Variants in BIRC6 observed in about 807,000 individuals in gnomAD.
BIRC6 encodes the protein baculoviral IAP repeat containing 6.
Under a neutral mutation model 503.3 loss-of-function variants are expected in BIRC6, and 98 were observed. That is an observed-to-expected ratio of 0.19 (90% CI 0.17 to 0.23). The LOEUF (loss-of-function observed/expected upper bound fraction) is 0.23. Among genes scored for constraint, BIRC6 ranks in the 10% least tolerant of loss-of-function variants. The probability of loss-of-function intolerance (pLI) is 1.00; values close to 1 mark genes in which losing one functional copy is unlikely to be tolerated. For synonymous variants in BIRC6, 2,240 were observed against 2,078.7 expected, an observed-to-expected ratio of 1.08 and a Z score of -2.11; for missense variants, 5,360 against 5,806.0, an observed-to-expected ratio of 0.92 and a Z score of 2.50.
At chr2:32,446,177 T>A (rs961789173) in intron 21 of BIRC6, among the ~76,000 whole-genome samples, 1 of 152,226 alleles carries the variant, frequency 6.6e-6, no homozygotes, top group Non-Finnish European at 1.5e-5. Context: ...TTTAACAGTT[T>A]GATAAATCCT....
At position 32,508,208 on chromosome 2, in the gene BIRC6, C is replaced by T. The variant is rs1398506523; in HGVS notation, c.9929C>T (p.Ala3310Val). The change falls in exon 51 of 74, where the codon GCA becomes GTA. Residue 3310 changes from alanine (A) to valine (V), a missense_variant. Ala to Val is a moderately conservative substitution (Grantham distance 64). This residue lies in a region of BIRC6 where 62 missense variants were observed against 107.4 expected (regional missense o/e 0.58). Transcript: ENST00000421745. ...GLTAFGTTSS[A>V]TVNNPFLPSE... ...ACTGCTTTTGGTACCACCTCTTCTG[C>T]AACAGTTAATAATCCATTCCTTCCA... is the stretch of plus-strand genomic sequence containing the variant. 6.2e-7 allele frequency: 1 copy of T among 1,604,108 alleles called. No homozygotes were observed.
intron 54 of BIRC6, among the ~76,000 whole-genome samples, chr2:32,513,582 T>G (rs1055247803): frequency 6.6e-6 from 1 of 152,026 alleles, no homozygotes; most frequent in Non-Finnish European, 1.5e-5. Flanking sequence ...AAGACCAGCT[T>G]GGGCAACATG....
chr2:32,557,753 C>T (rs2058881387), intron 65 of BIRC6: 1 of 152,184 alleles, frequency 6.6e-6, no homozygotes, highest in African/African-American at 2.4e-5. Flanking sequence ...AGGTTAAGTA[C>T]TGTTCCAGCT....
In BIRC6 at chr2:32,369,984, ATGTATG is replaced by A. The variant is rs1296890698; in HGVS notation, c.326-7602_326-7597del. ...TATATATATATATATATATATATAT[ATGTATG>A]TATGTATGTGTGTGTATATATATGC... is the stretch of plus-strand genomic sequence containing the variant. On this transcript the variant is annotated intron_variant, in intron 1 of 73. Transcript: ENST00000421745. Among the ~76,000 whole-genome samples, 127 of 41,036 alleles carry A rather than the reference ATGTATG, an allele frequency of 3.1e-3. No homozygotes were observed. The Middle Eastern group carries it at 0.054, about 17-fold the overall frequency. The allele number at this position is 41,036 out of a possible 152,430, so 26.9% of individuals were successfully genotyped here.
At position 32,460,202 on chromosome 2, in the gene BIRC6, C is replaced by A. The variant is rs1299272090; in HGVS notation, c.4754-2992C>A. ...TATATATCTCATATGTGATATATAT[C>A]ATATATGATATATATATATCTCATA... is the stretch of plus-strand genomic sequence containing the variant. On this transcript the variant is annotated intron_variant, in intron 23 of 73. Transcript: ENST00000421745. Among the ~76,000 whole-genome samples the A allele has an allele frequency of 5.1e-5, 5 of 98,152 alleles. No individual in the cohort carries two copies. In the East Asian group the frequency reaches 1.2e-3, roughly 24 times the overall value. 64.4% of individuals were successfully genotyped at this position (98,152 alleles called of 152,430 possible).
At chr2:32,440,406 C>A (rs933373671) in intron 16 of BIRC6, among the ~76,000 whole-genome samples, 1 of 152,172 alleles carries the variant, frequency 6.6e-6, no homozygotes, top group African/African-American at 2.4e-5. Flanking sequence ...AGGTTCTAAT[C>A]CTCATGGTTG....
intron 72 of BIRC6, among the ~76,000 whole-genome samples, chr2:32,609,616 T>C (rs2062715794): frequency 6.6e-6 from 1 of 152,150 alleles, no homozygotes; most frequent in African/African-American, 2.4e-5. Context: ...TGAATATTTC[T>C]TTTTCTTTGG....
At chr2:32,379,922 A>C (rs575825801) in intron 2 of BIRC6, among the ~76,000 whole-genome samples, 2 of 152,110 alleles carry the variant, frequency 1.3e-5, no homozygotes, top group South Asian at 2.1e-4. Flanking sequence ...TTTGTGTTTA[A>C]ACTTTACCAT....
chr2:32,412,181 G>A (rs1231813573), intron 9 of BIRC6, among the ~76,000 whole-genome samples: 2 of 152,054 alleles, frequency 1.3e-5, no homozygotes, highest in Non-Finnish European at 2.9e-5. Context: ...TACTTTTAAG[G>A]GAATAGTTTA....
intron 61 of BIRC6, chr2:32,532,253 A>G (rs753995333): frequency 1.9e-6 from 1 of 521,274 alleles, no homozygotes; most frequent in Non-Finnish European, 3.9e-6. Flanking sequence ...GCTGGCTTAA[A>G]ACAACTGAAA....
chr2:32,542,012 G>A (rs2057699104), intron 61 of BIRC6, among the ~76,000 whole-genome samples: 3 of 151,874 alleles, frequency 2.0e-5, no homozygotes, highest in African/African-American at 7.3e-5. Context: ...ATTGCATTTT[G>A]TTGTCTTGTA....
At position 32,464,697 on chromosome 2, in the gene BIRC6, T is replaced by C. The variant is rs536068892; in HGVS notation, c.5130T>C (p.Thr1710=). The C allele has an allele frequency of 1.2e-6, 2 of 1,613,954 alleles. No homozygotes were observed. Among genetic ancestry groups the C allele is most frequent in the African/African-American group, 2.7e-5 (2 of 75,030 alleles). Residue 1710 remains threonine (T), a synonymous_variant, in exon 25 of 74, where the codon ACT becomes ACC. Transcript: ENST00000421745. The part of the protein sequence containing the change: ...TTPLFMTPPL[T]PPNEAVSVVI... The stretch of plus-strand genomic sequence containing the variant: ...CTCTTTTTATGACTCCACCACTCAC[T>C]CCACCCAATGAAGCAGTTTCCGTTG...
chr2:32,393,523 T>G (rs2039505100), intron 5 of BIRC6, among the ~76,000 whole-genome samples: 1 of 152,158 alleles, frequency 6.6e-6, no homozygotes, highest in Non-Finnish European at 1.5e-5. Flanking sequence ...ATTTATTTAT[T>G]TATTTGGGAC....
chr2:32,532,608 G>T (rs982497316), intron 61 of BIRC6, among the ~76,000 whole-genome samples: 2 of 152,116 alleles, frequency 1.3e-5, no homozygotes, highest in African/African-American at 4.8e-5. Flanking sequence ...GGTGCTAGGG[G>T]TTAGGACTTG....
intron 20 of BIRC6, among the ~76,000 whole-genome samples, chr2:32,444,764 A>G (rs2045778551): frequency 1.3e-5 from 2 of 152,178 alleles, no homozygotes; most frequent in Non-Finnish European, 2.9e-5. Flanking sequence ...AACAAAAAAA[A>G]TGCTTGTTTA....
intron 1 of BIRC6, among the ~76,000 whole-genome samples, chr2:32,367,960 CAAG>C (rs1477859596): frequency 1.3e-5 from 2 of 152,140 alleles, no homozygotes; most frequent in Non-Finnish European, 2.9e-5. Flanking sequence ...ATGTCTTCTT[CAAG>C]ATTTATTGTG....
chr2:32,476,164 T>C, intron 33 of BIRC6, 49 bp from the exon 34 acceptor site: 1 of 1,418,702 alleles, frequency 7.0e-7, no homozygotes, highest in Non-Finnish European at 9.5e-7. Flanking sequence ...TAATAATTTT[T>C]TTGTTTTTAA....
intron 53 of BIRC6, 41 bp downstream of exon 53, chr2:32,510,675 C>G (rs1008143673): frequency 1.8e-5 from 22 of 1,247,980 alleles, no homozygotes; most frequent in Non-Finnish European, 2.5e-5. Context: ...CACACATGCA[C>G]ATAATCATGC....
At position 32,407,858 on chromosome 2, in the gene BIRC6, GT is replaced by G. The variant is rs909182672; in HGVS notation, c.1477+1310del. Among the ~76,000 whole-genome samples the G allele has an allele frequency of 2.6e-3, 386 of 150,240 alleles. 2 individuals carry two copies. The highest frequency in any genetic ancestry group is 8.8e-3 in the African/African-American group (360 of 40,956). On this transcript the variant is annotated intron_variant, in intron 9 of 73. Coordinates refer to ENST00000421745, the MANE Select transcript of BIRC6 (RefSeq NM_016252.4). Reference sequence around the variant, plus strand: ...ATTCGTTCTAGAGAAGTTAAAAATTGTTTTTTTTTCTTTTAAAAAAACATAG... The same window carrying G: ...ATTCGTTCTAGAGAAGTTAAAAATTGTTTTTTTTCTTTTAAAAAAACATAG...
Sources: gnomAD v4.1 joint callset for allele counts (sites outside exome capture counted in the v4.1 genomes callset) on GRCh38, gnomAD v4.1.1 for gene constraint, gnomAD v4.1.1 regional missense constraint, MANE v1.5 for transcripts, NCBI Gene and HGNC (gene_info 2026-07-23, HGNC 2026-07-21) for gene names.